The following PPP3R1 variants were observed in gnomAD, a reference collection of about 807,000 sequenced individuals.
The protein encoded by PPP3R1 is calcineurin subunit B type 1.
A neutral mutation model predicts 22.6 loss-of-function variants in PPP3R1; 5 were observed. The observed-to-expected ratio is 0.22, with a 90% confidence interval of 0.12 to 0.46. PPP3R1 has a LOEUF of 0.46. PPP3R1 is among the 20% of genes least tolerant of loss of function. The pLI is 0.99. For missense variants in PPP3R1, 61 were observed against 203.2 expected (o/e 0.30, Z 4.25); for synonymous variants, 56 against 65.2 (o/e 0.86, Z 0.68).
chr2:68,233,809 T>C (rs1466326709), intron 1 of PPP3R1, among the ~76,000 whole-genome samples: 7 of 152,220 alleles, frequency 4.6e-5, no homozygotes, highest in Non-Finnish European at 1.0e-4. Flanking sequence ...AGAATAAATG[T>C]TGCTTTATCA....
chr2:68,252,058 CCCCGCA>C, intron 1 of PPP3R1, 61 bp downstream of exon 1: 1 of 1,357,246 alleles, frequency 7.4e-7, no homozygotes, highest in South Asian at 1.5e-5. Context: ...CGGGGCTCGC[CCCCGCA>C]CCCGACCCGG....
chr2:68,251,615 C>G (rs1670356675), intron 1 of PPP3R1, among the ~76,000 whole-genome samples: 1 of 151,986 alleles, frequency 6.6e-6, no homozygotes, highest in South Asian at 2.1e-4. Context: ...TGCTGGGAAA[C>G]AGGCAGTGAG....
intron 1 of PPP3R1, among the ~76,000 whole-genome samples, chr2:68,219,146 T>G (rs1337240277): frequency 6.6e-6 from 1 of 152,124 alleles, no homozygotes; most frequent in Non-Finnish European, 1.5e-5. Flanking sequence ...GTAAAGTCCT[T>G]TAATTAAGAG....
chr2:68,200,110 A>G (rs1446372414), intron 2 of PPP3R1, among the ~76,000 whole-genome samples: 1 of 152,164 alleles, frequency 6.6e-6, no homozygotes, highest in Non-Finnish European at 1.5e-5. Context: ...AAGATTTACT[A>G]TTTCCTCTTA....
At chr2:68,230,271 G>A (rs567816660) in intron 1 of PPP3R1, among the ~76,000 whole-genome samples, 4 of 152,292 alleles carry the variant, frequency 2.6e-5, no homozygotes, top group African/African-American at 7.2e-5. Context: ...GGGATTACAG[G>A]CGTAAGCCAC....
chr2:68,224,407 T>C (rs955812143), intron 1 of PPP3R1, among the ~76,000 whole-genome samples: 1 of 152,166 alleles, frequency 6.6e-6, no homozygotes, highest in African/African-American at 2.4e-5. Context: ...ATGCCTGTAA[T>C]CCCAGCACTT....
rs199824687 is a variant in PPP3R1, at chr2:68,198,062, C to CAAAAAAA, written c.44-9379_44-9373dup. On this transcript the variant is annotated intron_variant, in intron 2 of 5. Transcript: ENST00000234310. ...GCTCCCTTTACAACGGCACCTTTGG[C>CAAAAAAA]AAAAAAAAAAAAAAAAAAAAAAAAA... Among the ~76,000 whole-genome samples the CAAAAAAA allele has an allele frequency of 2.9e-3, 122 of 42,000 alleles. 28 individuals are homozygous for CAAAAAAA. The highest frequency in any genetic ancestry group is 0.012 in the African/African-American group (111 of 9,096). 27.6% of individuals were successfully genotyped at this position (42,000 alleles called of 152,430 possible). A position where few individuals can be genotyped will look rare whatever the true frequency, so the allele number is the denominator to read the frequency against.
rs1311626253 is a variant in PPP3R1, at chr2:68,180,710, C to A, written c.*253G>T. ...AAATAAATTAAAAAGCCAACCCCTT[C>A]CCTTTCTCCACCACATTGATATGCT... On this transcript the variant is annotated 3_prime_UTR_variant, in exon 6 of 6. Transcript: ENST00000234310. 1 of 366,178 alleles carries A rather than the reference C, an allele frequency of 2.7e-6. No individual in the cohort carries two copies. The highest frequency in any genetic ancestry group is 2.1e-5 in the African/African-American group (1 of 47,298). The allele number at this position is 366,178 out of a possible 1,614,324, so 22.7% of individuals were successfully genotyped here. A position where few individuals can be genotyped will look rare whatever the true frequency, so the allele number is the denominator to read the frequency against.
intron 5 of PPP3R1, among the ~76,000 whole-genome samples, chr2:68,183,775 C>T (rs538056494): frequency 3.0e-4 from 45 of 152,260 alleles, no homozygotes; most frequent in Middle Eastern, 6.8e-3. Context: ...TCTTTATATT[C>T]CATACACAGA....
intron 5 of PPP3R1, among the ~76,000 whole-genome samples, chr2:68,185,331 G>T (rs1332139205): frequency 6.7e-6 from 1 of 148,698 alleles, no homozygotes; most frequent in African/African-American, 2.5e-5. Context: ...ATATATAAAA[G>T]ATATATTTTA....
At chr2:68,212,482 T>C (rs1169809747) in intron 2 of PPP3R1, among the ~76,000 whole-genome samples, 2 of 152,234 alleles carry the variant, frequency 1.3e-5, no homozygotes, top group African/African-American at 4.8e-5. Context: ...GTAATAAGAC[T>C]GGAAAGTCGA....
chr2:68,242,767 C>A (rs1670159335), intron 1 of PPP3R1, among the ~76,000 whole-genome samples: 1 of 152,126 alleles, frequency 6.6e-6, no homozygotes, highest in South Asian at 2.1e-4. Context: ...TAGGGGCTTG[C>A]TTATGGCATT....
intron 2 of PPP3R1, among the ~76,000 whole-genome samples, chr2:68,203,974 ACAT>A (rs1201302970): frequency 3.3e-5 from 5 of 152,186 alleles, no homozygotes; most frequent in African/African-American, 1.2e-4. Context: ...TCTTTCACCT[ACAT>A]TTAGTCTACA....
chr2:68,191,271 T>C (rs549789594), intron 2 of PPP3R1, among the ~76,000 whole-genome samples: 1 of 152,314 alleles, frequency 6.6e-6, no homozygotes, highest in South Asian at 2.1e-4. Flanking sequence ...GGCTATATGG[T>C]CCAGCCTATT....
At chr2:68,207,951 T>C (rs1463805217) in intron 2 of PPP3R1, among the ~76,000 whole-genome samples, 1 of 151,644 alleles carries the variant, frequency 6.6e-6, no homozygotes, top group Admixed American at 6.6e-5. Context: ...GGATCAGGAG[T>C]TCGAGACAAG....
At chr2:68,238,595 A>G (rs1670058970) in intron 1 of PPP3R1, among the ~76,000 whole-genome samples, 1 of 152,314 alleles carries the variant, frequency 6.6e-6, no homozygotes, top group South Asian at 2.1e-4. Flanking sequence ...TTCAAATGAA[A>G]GCATTGACAT....
intron 1 of PPP3R1, among the ~76,000 whole-genome samples, chr2:68,237,553 T>C (rs1014909827): frequency 6.6e-6 from 1 of 152,078 alleles, no homozygotes; most frequent in Non-Finnish European, 1.5e-5. Context: ...ATTATACAAC[T>C]CTATGAGTAA....
At chr2:68,198,221 T>A (rs1453814951) in intron 2 of PPP3R1, among the ~76,000 whole-genome samples, 1 of 126,828 alleles carries the variant, frequency 7.9e-6, no homozygotes, top group South Asian at 3.0e-4. Context: ...CATATATACA[T>A]TTTACATATA....
intron 2 of PPP3R1, among the ~76,000 whole-genome samples, chr2:68,207,113 G>GT (rs1675143742): frequency 3.8e-4 from 32 of 85,108 alleles, no homozygotes; most frequent in African/African-American, 1.1e-3. Flanking sequence ...AAAAAAAAAA[G>GT]CAAAAAAAAA....
Sources: gnomAD v4.1 joint callset for allele counts (sites outside exome capture counted in the v4.1 genomes callset) on GRCh38, gnomAD v4.1.1 for gene constraint, MANE v1.5 for transcripts, NCBI Gene and HGNC (gene_info 2026-07-23, HGNC 2026-07-21) for gene names.